Variants in SPON1 observed in about 807,000 individuals in gnomAD.
SPON1 encodes spondin-1.
Under a neutral mutation model 111.7 loss-of-function variants are expected in SPON1, and 52 were observed. That is an observed-to-expected ratio of 0.47 (90% CI 0.37 to 0.59). The LOEUF (loss-of-function observed/expected upper bound fraction) is 0.59, where lower values mean the gene tolerates loss of function less well. Ranked by LOEUF, SPON1 falls within the 20% of genes least tolerant of loss-of-function variation. The pLI is 0.00. For synonymous variants in SPON1, 410 were observed against 395.8 expected (o/e 1.04, Z -0.43); for missense variants, 957 against 1,068.5 (o/e 0.90, Z 1.46).
At chr11:14,153,071 G>A (rs1847806182) in intron 6 of SPON1, among the ~76,000 whole-genome samples, 1 of 152,130 alleles carries the variant, frequency 6.6e-6, no homozygotes, top group South Asian at 2.1e-4. Flanking sequence ...GTATGGCCTG[G>A]TTTAGAACTT....
chr11:14,146,150 C>CCTTT (rs781959903), intron 6 of SPON1, among the ~76,000 whole-genome samples: 1 of 130,954 alleles, frequency 7.6e-6, no homozygotes, highest in Non-Finnish European at 1.6e-5. Context: ...AATTACTATA[C>CCTTT]TTTTTTTTTT....
At position 14,265,626 on chromosome 11, in the gene SPON1, C is replaced by T. The variant is rs1554942413; in HGVS notation, c.2363C>T (p.Ser788Phe). 1 of 1,613,714 alleles carries T rather than the reference C, an allele frequency of 6.2e-7. No individual in the cohort carries two copies. The highest frequency in any genetic ancestry group is 1.7e-5 in the Admixed American group (1 of 59,976). The change falls in exon 16 of 16, where the codon TCC becomes TTC. Residue 788 changes from serine (S) to phenylalanine (F), a missense_variant. Transcript: ENST00000576479. ...ACTGTAAAGAAGAGATTCAAAAGCT[C>T]CCAGTTTACCAGCTGCAAAGACAAG... ...YMTVKKRFKS[S>F]QFTSCKDKKE... is the part of the protein sequence containing the mutation.
intron 6 of SPON1, among the ~76,000 whole-genome samples, chr11:14,185,335 A>G (rs1848275145): frequency 6.6e-6 from 1 of 152,086 alleles, no homozygotes; most frequent in Non-Finnish European, 1.5e-5. Context: ...TTTACCATCC[A>G]AGATCTATAT....
At chr11:13,974,563 G>A (rs935932340) in intron 1 of SPON1, among the ~76,000 whole-genome samples, 2 of 152,192 alleles carry the variant, frequency 1.3e-5, no homozygotes, top group African/African-American at 4.8e-5. Flanking sequence ...TAGGGTAAGT[G>A]TACCCAAGGA....
At chr11:14,071,274 G>A (rs184879538) in intron 3 of SPON1, among the ~76,000 whole-genome samples, 6 of 152,118 alleles carry the variant, frequency 3.9e-5, no homozygotes, top group South Asian at 4.1e-4. Context: ...AGAAACTTCC[G>A]CAACCAAGTG....
At chr11:14,233,323 G>A (rs184169279) in intron 6 of SPON1, among the ~76,000 whole-genome samples, 3 of 152,200 alleles carry the variant, frequency 2.0e-5, no homozygotes, top group African/African-American at 7.2e-5. Context: ...CTGGCCCTAT[G>A]TCGCCAGACA....
At position 14,020,865 on chromosome 11, in the gene SPON1, T is replaced by C. The variant is rs564059002; in HGVS notation, c.346-20656T>C. Reference sequence around the variant, plus strand: ...ATTTCTGGGACTCAGTTTCTTTAGCTGTAAAATGGGATAATTATAATACTA... The same window carrying C: ...ATTTCTGGGACTCAGTTTCTTTAGCCGTAAAATGGGATAATTATAATACTA... On this transcript the variant is annotated intron_variant, in intron 2 of 15. Coordinates refer to ENST00000576479, the MANE Select transcript of SPON1 (RefSeq NM_006108.4). Among the ~76,000 whole-genome samples, 4 of 152,294 alleles carry C rather than the reference T, an allele frequency of 2.6e-5. No individual in the cohort carries two copies. In the Middle Eastern group the frequency reaches 0.014, roughly 518 times the overall value.
intron 6 of SPON1, among the ~76,000 whole-genome samples, chr11:14,170,710 T>C (rs1848088465): frequency 6.6e-6 from 1 of 152,214 alleles, no homozygotes; most frequent in South Asian, 2.1e-4. Context: ...CATGAAGTTG[T>C]TGAATTTTGT....
intron 6 of SPON1, among the ~76,000 whole-genome samples, chr11:14,197,138 G>A (rs1848410668): frequency 6.6e-6 from 1 of 152,192 alleles, no homozygotes; most frequent in Admixed American, 6.5e-5. Context: ...GCACTTGATA[G>A]ATGCTTATTT....
rs138447799 is a variant in SPON1, at chr11:14,132,606, C to T, written c.677-2814C>T. On this transcript the variant is annotated intron_variant, in intron 5 of 15. Transcript: ENST00000576479. ...CAGACTGTGAGTCCCTTCAGGGCAA[C>T]ACCATATCCAGTCCTCCTCAGTGTC... Among the ~76,000 whole-genome samples the T allele has an allele frequency of 2.3e-3, 344 of 152,324 alleles. 1 individual carries two copies. The highest frequency in any genetic ancestry group is 7.5e-3 in the African/African-American group (311 of 41,570).
At chr11:14,051,326 G>A (rs1463493083) in intron 3 of SPON1, among the ~76,000 whole-genome samples, 1 of 152,126 alleles carries the variant, frequency 6.6e-6, no homozygotes, top group African/African-American at 2.4e-5. Context: ...TTTGAGTCCA[G>A]GACTTTGAGA....
intron 2 of SPON1, among the ~76,000 whole-genome samples, chr11:13,988,621 G>A (rs146575513): frequency 0.018 from 2,780 of 152,266 alleles, 81 homozygotes; most frequent in African/African-American, 0.064. Context: ...TCCTTGTCCT[G>A]TGCCGGTTTT....
At chr11:14,168,202 A>T (rs568495111) in intron 6 of SPON1, among the ~76,000 whole-genome samples, 1 of 152,204 alleles carries the variant, frequency 6.6e-6, no homozygotes, top group Admixed American at 6.5e-5. Flanking sequence ...AACAATTTTC[A>T]AAAGTCAAAC....
intron 6 of SPON1, among the ~76,000 whole-genome samples, chr11:14,167,933 A>G (rs930998327): frequency 2.0e-5 from 3 of 152,184 alleles, no homozygotes; most frequent in Non-Finnish European, 4.4e-5. Context: ...TTACTCTTTT[A>G]GGTTAAGACA....
intron 7 of SPON1, among the ~76,000 whole-genome samples, chr11:14,245,321 G>A (rs983488726): frequency 6.6e-6 from 1 of 152,172 alleles, no homozygotes; most frequent in Non-Finnish European, 1.5e-5. Flanking sequence ...CTGTGCGCCA[G>A]CCCTGCACAT....
chr11:14,220,735 G>A (rs1376472716), intron 6 of SPON1, among the ~76,000 whole-genome samples: 1 of 152,164 alleles, frequency 6.6e-6, no homozygotes, highest in African/African-American at 2.4e-5. Flanking sequence ...ATTCTTAGGA[G>A]AAAAACAATT....
chr11:14,019,389 A>G (rs1848465062), intron 2 of SPON1, among the ~76,000 whole-genome samples: 1 of 150,010 alleles, frequency 6.7e-6, no homozygotes, highest in African/African-American at 2.4e-5. Context: ...TAATGTGTAT[A>G]ATTATATAAA....
At chr11:14,215,483 A>G (rs1848617297) in intron 6 of SPON1, among the ~76,000 whole-genome samples, 1 of 152,128 alleles carries the variant, frequency 6.6e-6, no homozygotes, top group Admixed American at 6.6e-5. Flanking sequence ...ACTCTTCAGC[A>G]TGGTGGTCTC....
chr11:14,041,106 AG>A lies in SPON1; in HGVS notation c.346-412del, dbSNP rs1848627839. 2.0e-5 allele frequency among the ~76,000 whole-genome samples: 3 copies of A among 152,318 alleles called. No homozygotes were observed. In the South Asian group the frequency reaches 6.2e-4, roughly 32 times the overall value. Reference sequence around the variant, plus strand: ...TATACTTTGCTATACTTCCTCCAAAAGGGTGTTTTAACATTTTAAGTTATAA... The same window carrying A: ...TATACTTTGCTATACTTCCTCCAAAAGGTGTTTTAACATTTTAAGTTATAA... On this transcript the variant is annotated intron_variant, in intron 2 of 15. Coordinates refer to ENST00000576479, the MANE Select transcript of SPON1 (RefSeq NM_006108.4).
Sources: allele counts gnomAD v4.1 joint callset (sites outside exome capture counted in the v4.1 genomes callset), GRCh38; gene constraint gnomAD v4.1.1; transcripts MANE v1.5; gene names NCBI Gene and HGNC (gene_info 2026-07-23, HGNC 2026-07-21).